The following MN1 variants were observed in gnomAD, a reference collection of about 807,000 sequenced individuals.
MN1 encodes transcriptional activator MN1.
In MN1, 19 loss-of-function variants were observed where a neutral mutation model predicts 86.9. The observed-to-expected ratio is 0.22, with a 90% CI of 0.15 to 0.32. The LOEUF is 0.32. MN1 is among the 10% of genes least tolerant of loss of function. The probability of loss-of-function intolerance (pLI) is 1.00; values close to 1 mark genes in which losing one functional copy is unlikely to be tolerated. For synonymous variants in MN1, 928 were observed against 849.6 expected, an observed-to-expected ratio of 1.09 and a Z score of -1.60; for missense variants, 1,841 against 1,862.0, an observed-to-expected ratio of 0.99 and a Z score of 0.21.
rs190066757 is a variant in MN1, at chr22:27,762,256, C to T, written c.3782-11160G>A. On this transcript the variant is annotated intron_variant, in intron 1 of 1. Transcript: ENST00000302326. ...CCTTCCTCCTGATGGTGGTGTTGCC[C>T]GCGTGCTTATGCAAAAGCACAGCCC... Among the ~76,000 whole-genome samples the T allele has an allele frequency of 5.3e-5, 8 of 152,286 alleles. No individual in the cohort carries two copies. The East Asian group carries it at 5.8e-4, about 11-fold the overall frequency.
rs2146316123 is a variant in MN1, at chr22:27,797,842, G to A, written c.2702C>T (p.Ser901Phe). ...GGPSGTSSSGSKASGPPNPPA... is the reference protein window; with the variant it reads ...GGPSGTSSSGFKASGPPNPPA... ...AGGGTTGGGCGGCCCCGAGGCTTTG[G>A]AGCCGCTGCTACTGGTCCCGGACGG... The change falls in exon 1 of 2, where the codon TCC (serine) becomes TTC (phenylalanine). Residue 901 changes from serine to phenylalanine, a missense_variant. Transcript: ENST00000302326. The A allele has an allele frequency of 6.3e-7, 1 of 1,579,542 alleles. No homozygotes were observed. Among genetic ancestry groups the A allele is most frequent in the South Asian group, 1.1e-5 (1 of 87,064 alleles).
chr22:27,795,210 G>A (rs1467518405), intron 1 of MN1, among the ~76,000 whole-genome samples: 1 of 152,074 alleles, frequency 6.6e-6, no homozygotes, highest in Non-Finnish European at 1.5e-5. Flanking sequence ...AGTGCGTCCC[G>A]GGCGTCCTGG....
Position 27,800,977 on chromosome 22 carries a change from C to G in MN1, c.-434G>C. On this transcript the variant is annotated 5_prime_UTR_variant, in exon 1 of 2. Coordinates refer to ENST00000302326, the MANE Select transcript of MN1 (RefSeq NM_002430.3). ...TGGGTCTGCTGGGGAGCCCTCAGGA[C>G]GCCGCCCGCAGCCTCCCGGAGTCCG... 1 of 300,216 alleles carries G rather than the reference C, an allele frequency of 3.3e-6. No individual in the cohort carries two copies. The highest frequency in any genetic ancestry group is 2.2e-5 in the African/African-American group (1 of 46,250). The allele number at this position is 300,216 out of a possible 1,614,324, so 18.6% of individuals were successfully genotyped here. A position where few individuals can be genotyped will look rare whatever the true frequency, so the allele number is the denominator to read the frequency against.
chr22:27,779,672 A>G (rs1441737675), intron 1 of MN1, among the ~76,000 whole-genome samples: 1 of 152,136 alleles, frequency 6.6e-6, no homozygotes, highest in Non-Finnish European at 1.5e-5. Flanking sequence ...ATGGGTGTTT[A>G]ATAACTGTAG....
At chr22:27,755,641 G>A (rs551709476) in intron 1 of MN1, among the ~76,000 whole-genome samples, 4 of 152,212 alleles carry the variant, frequency 2.6e-5, no homozygotes, top group Admixed American at 6.5e-5. Flanking sequence ...CTACTACCCC[G>A]TCACCCCTGC....
In MN1 at chr22:27,800,606, C is replaced by G; in HGVS notation, c.-63G>C. 1 of 1,605,802 alleles carries G rather than the reference C, an allele frequency of 6.2e-7. No homozygotes were observed. The highest frequency in any genetic ancestry group is 1.1e-5 in the South Asian group (1 of 90,580). ...CAGCCGGCTCTCCGCGGCGCGCCTCCGGCCAGCTACTCGTTCCAGCCCAGG... is the reference window on the plus strand; with the variant it reads ...CAGCCGGCTCTCCGCGGCGCGCCTCGGGCCAGCTACTCGTTCCAGCCCAGG... On this transcript the variant is annotated 5_prime_UTR_variant, in exon 1 of 2. Coordinates refer to ENST00000302326, the MANE Select transcript of MN1 (RefSeq NM_002430.3).
At chr22:27,767,342 T>C (rs1338126804) in intron 1 of MN1, among the ~76,000 whole-genome samples, 2 of 152,106 alleles carry the variant, frequency 1.3e-5, no homozygotes, top group African/African-American at 4.8e-5. Context: ...TTGCCAAATT[T>C]ACTGAGAGGG....
chr22:27,751,017 G>A lies in MN1; in HGVS notation c.3861C>T (p.Asp1287=), dbSNP rs745641592. 3.7e-5 allele frequency: 59 copies of A among 1,612,696 alleles called. No homozygotes were observed. The highest frequency in any genetic ancestry group is 2.5e-4 in the East Asian group (11 of 44,802). Residue 1287 remains aspartate, a synonymous_variant, in exon 2 of 2, where the codon GAC becomes GAT. Transcript: ENST00000302326. ...HLQCLSVHCT[D]DVGDAKARAS... Reference sequence around the variant, plus strand: ...CTCGAGCCTTGGCGTCACCCACGTCGTCTGTGCAGTGGACAGACAGGCACT... The same window carrying A: ...CTCGAGCCTTGGCGTCACCCACGTCATCTGTGCAGTGGACAGACAGGCACT...
chr22:27,777,843 T>C (rs1394263804), intron 1 of MN1, among the ~76,000 whole-genome samples: 2 of 150,320 alleles, frequency 1.3e-5, no homozygotes, highest in Admixed American at 6.6e-5. Flanking sequence ...GCCACTGCAC[T>C]CCAGCCTGGG....
Position 27,796,863 on chromosome 22 carries a change from C to A in MN1, c.3681G>T (p.Trp1227Cys). 2 of 1,613,108 alleles carry A rather than the reference C, an allele frequency of 1.2e-6. No homozygotes were observed. Among genetic ancestry groups the A allele is most frequent in the Non-Finnish European group, 1.7e-6 (2 of 1,180,010 alleles). Reference protein sequence around the residue: ...DSLMAEHSAAWYMPADKALVD... With the variant: ...DSLMAEHSAACYMPADKALVD... ...CCAGGGCCTTGTCAGCGGGCATGTACCAGGCAGCGCTGTGCTCTGCCATCA... is the reference window on the plus strand; with the variant it reads ...CCAGGGCCTTGTCAGCGGGCATGTAACAGGCAGCGCTGTGCTCTGCCATCA... Residue 1227 changes from tryptophan (W) to cysteine (C), a missense_variant, in exon 1 of 2, where the codon TGG (tryptophan) becomes TGT (cysteine). Physicochemically the swap from Trp to Cys is radical, Grantham distance 215 (BLOSUM62 -2). Transcript: ENST00000302326.
chr22:27,800,575 G>T lies in MN1; in HGVS notation c.-32C>A. ...CGGGGGGCAGAGGGGGATCAATAGGGCATGACAGCCGGCTCTCCGCGGCGC... is the reference window on the plus strand; with the variant it reads ...CGGGGGGCAGAGGGGGATCAATAGGTCATGACAGCCGGCTCTCCGCGGCGC... On this transcript the variant is annotated 5_prime_UTR_variant, in exon 1 of 2. Coordinates refer to ENST00000302326, the MANE Select transcript of MN1 (RefSeq NM_002430.3). 1 of 1,613,026 alleles carries T rather than the reference G, an allele frequency of 6.2e-7. No individual in the cohort carries two copies. Among genetic ancestry groups the T allele is most frequent in the Non-Finnish European group, 8.5e-7 (1 of 1,179,918 alleles).
rs1205300985 is a variant in MN1 at position 27,798,933 on chromosome 22, CTGCTGCTGCTGT to C, written c.1599_1610del (p.Gln547_Gln550del). ...GCTGTTGCTGTTGCTGTTGCTGCTGCTGCTGCTGCTGTTGCTGCTGCTGCTGCTGCTGCTGCT... is the reference window on the plus strand; with the variant it reads ...GCTGTTGCTGTTGCTGTTGCTGCTGCTGCTGCTGCTGCTGCTGCTGCTGCT... On this transcript the variant is annotated inframe_deletion, in exon 1 of 2. Coordinates refer to ENST00000302326, the MANE Select transcript of MN1 (RefSeq NM_002430.3). 13 of 1,561,020 alleles carry C rather than the reference CTGCTGCTGCTGT, an allele frequency of 8.3e-6. No homozygotes were observed. Among genetic ancestry groups the C allele is most frequent in the South Asian group, 6.9e-5 (6 of 86,866 alleles).
chr22:27,800,174 C>T lies in MN1; in HGVS notation c.370G>A (p.Gly124Arg), dbSNP rs748640233. 24 of 1,545,950 alleles carry T rather than the reference C, an allele frequency of 1.6e-5. 1 individual carries two copies. The Admixed American group carries it at 2.6e-4, about 17-fold the overall frequency. ...CGACCCCCGTGCAGGCACGAGGCCCCGGGGTCCGGGCCACCGAAGTTGCCC... is the reference window on the plus strand; with the variant it reads ...CGACCCCCGTGCAGGCACGAGGCCCTGGGGTCCGGGCCACCGAAGTTGCCC... ...FGGNFGGPDP[G>R]ASCLHGGRLL... Residue 124 changes from glycine (G) to arginine (R), a missense_variant, in exon 1 of 2, where the codon GGG becomes AGG. Coordinates refer to ENST00000302326, the MANE Select transcript of MN1 (RefSeq NM_002430.3).
chr22:27,778,352 C>T (rs987992172), intron 1 of MN1, among the ~76,000 whole-genome samples: 4 of 152,324 alleles, frequency 2.6e-5, no homozygotes, highest in South Asian at 2.1e-4. Context: ...CTTTCCTGAA[C>T]GGCACCCAAG....
rs143887763 is a variant in MN1, at chr22:27,786,740, C to T, written c.3781+10023G>A. On this transcript the variant is annotated intron_variant, in intron 1 of 1. Coordinates refer to ENST00000302326, the MANE Select transcript of MN1 (RefSeq NM_002430.3). The stretch of plus-strand genomic sequence containing the variant: ...CTCCTGGACGAGTGATGGTGAAAGG[C>T]GCCACTCGCCTCCTCTTCCTGTCCT... 8.0e-3 allele frequency among the ~76,000 whole-genome samples: 1,211 copies of T among 152,098 alleles called. 20 individuals carry two copies. Among genetic ancestry groups the T allele is most frequent in the African/African-American group, 0.025 (1,054 of 41,474 alleles).
Position 27,801,229 on chromosome 22 carries a change from G to T in MN1, c.-686C>A. ...GGCTCCGCTCGGCATCGCCGGTGCC[G>T]GCCCCCGAGCCGAGGACGCAGAGGG... On this transcript the variant is annotated 5_prime_UTR_variant, in exon 1 of 2. Transcript: ENST00000302326. 2 of 222,270 alleles carry T rather than the reference G, an allele frequency of 9.0e-6. No homozygotes were observed. The highest frequency in any genetic ancestry group is 1.8e-5 in the Non-Finnish European group (2 of 110,864). 13.8% of individuals were successfully genotyped at this position (222,270 alleles called of 1,614,324 possible).
intron 1 of MN1, among the ~76,000 whole-genome samples, chr22:27,756,130 C>T (rs1030557441): frequency 4.6e-5 from 7 of 152,138 alleles, no homozygotes; most frequent in South Asian, 2.1e-4. Flanking sequence ...GGGCTGGGCC[C>T]GGGGAGGGCT....
chr22:27,785,448 A>C (rs382819), intron 1 of MN1, among the ~76,000 whole-genome samples: 115,643 of 152,222 alleles, frequency 0.76, 44,213 homozygotes, highest in African/African-American at 0.83. Context: ...TCTCAAACTT[A>C]AAAATGCAAT....
chr22:27,767,057 T>G (rs1047594904), intron 1 of MN1, among the ~76,000 whole-genome samples: 4 of 152,134 alleles, frequency 2.6e-5, no homozygotes, highest in Admixed American at 6.5e-5. Context: ...AACTTTTCCT[T>G]CTTGCCCTGC....
Sources: allele counts gnomAD v4.1 joint callset (sites outside exome capture counted in the v4.1 genomes callset), GRCh38; gene constraint gnomAD v4.1.1; transcripts MANE v1.5; gene names NCBI Gene and HGNC (gene_info 2026-07-23, HGNC 2026-07-21).